Variants in INPP4B observed in about 807,000 individuals in gnomAD.
INPP4B encodes the protein inositol polyphosphate 4-phosphatase type II.
Under a neutral mutation model 122.5 loss-of-function variants are expected in INPP4B, and 55 were observed. That is an observed-to-expected ratio of 0.45 (90% CI 0.36 to 0.56). INPP4B has a LOEUF of 0.56. Ranked by LOEUF, INPP4B falls within the 20% of genes least tolerant of loss-of-function variation. The pLI, the probability that INPP4B is intolerant of heterozygous loss-of-function variation, is 0.00. For missense variants in INPP4B, 1,000 were observed against 1,097.7 expected (o/e 0.91, Z 1.26); for synonymous variants, 403 against 388.7 (o/e 1.04, Z -0.43).
intron 2 of INPP4B, among the ~76,000 whole-genome samples, chr4:142,593,761 T>C (rs1365902412): frequency 6.6e-6 from 1 of 152,240 alleles, no homozygotes; most frequent in South Asian, 2.1e-4. Context: ...TTATTCCATG[T>C]TCATTTAAGA....
intron 2 of INPP4B, among the ~76,000 whole-genome samples, chr4:142,705,800 G>A (rs1414524450): frequency 6.6e-6 from 1 of 152,208 alleles, no homozygotes; most frequent in Non-Finnish European, 1.5e-5. Flanking sequence ...ACAAGGTTTT[G>A]TTATAATGCT....
chr4:142,232,111 T>C (rs13109869), intron 12 of INPP4B, among the ~76,000 whole-genome samples: 23,751 of 152,188 alleles, frequency 0.16, 1,986 homozygotes, highest in South Asian at 0.27. Flanking sequence ...TATCTTGCCC[T>C]TTAAGAAAAA....
chr4:142,455,936 C>G (rs1425816629), intron 3 of INPP4B, among the ~76,000 whole-genome samples: 2 of 151,920 alleles, frequency 1.3e-5, no homozygotes, highest in Non-Finnish European at 2.9e-5. Context: ...TACTTGTTTG[C>G]TATTTGTATG....
chr4:142,347,488 C>A (rs779551148), intron 7 of INPP4B: 10 of 437,776 alleles, frequency 2.3e-5, no homozygotes, highest in Non-Finnish European at 4.6e-5. Context: ...GAAGCCAAGT[C>A]AATACTGGTT....
chr4:142,527,801 T>TA (rs1244412906), intron 2 of INPP4B, among the ~76,000 whole-genome samples: 2 of 152,058 alleles, frequency 1.3e-5, no homozygotes, highest in Admixed American at 6.6e-5. Flanking sequence ...AGGCAATTCT[T>TA]ACTACATTGA....
At chr4:142,287,627 C>T (rs1023836597) in intron 9 of INPP4B, 2 of 152,160 alleles carry the variant, frequency 1.3e-5, no homozygotes, top group Non-Finnish European at 2.9e-5. Flanking sequence ...AAACCCCATC[C>T]TGTGGAACAG....
chr4:142,069,778 A>G (rs1335665471), intron 25 of INPP4B, among the ~76,000 whole-genome samples: 1 of 152,194 alleles, frequency 6.6e-6, no homozygotes, highest in Non-Finnish European at 1.5e-5. Flanking sequence ...CCCAAGACTA[A>G]ACCAGGAAGA....
intron 2 of INPP4B, among the ~76,000 whole-genome samples, chr4:142,638,844 C>A (rs1007707484): frequency 6.6e-6 from 1 of 152,140 alleles, no homozygotes; most frequent in Non-Finnish European, 1.5e-5. Context: ...CCATGCCCGG[C>A]CTAGTTGTCT....
chr4:142,037,568 C>G (rs1251857708), intron 25 of INPP4B, among the ~76,000 whole-genome samples: 1 of 152,138 alleles, frequency 6.6e-6, no homozygotes, highest in Non-Finnish European at 1.5e-5. Context: ...TTCTGACCAC[C>G]AACCTGATTT....
chr4:142,419,320 A>C (rs1806390133), intron 5 of INPP4B, among the ~76,000 whole-genome samples: 1 of 152,168 alleles, frequency 6.6e-6, no homozygotes, highest in South Asian at 2.1e-4. Context: ...AAAGGCTTAT[A>C]AATATTACCT....
intron 2 of INPP4B, among the ~76,000 whole-genome samples, chr4:142,573,806 G>A (rs1234507618): frequency 6.6e-6 from 1 of 151,964 alleles, no homozygotes; most frequent in Non-Finnish European, 1.5e-5. Flanking sequence ...ACCATTGCCT[G>A]TTTTCCTGAC....
At chr4:142,498,690 T>A (rs1346028905) in intron 2 of INPP4B, among the ~76,000 whole-genome samples, 1 of 150,938 alleles carries the variant, frequency 6.6e-6, no homozygotes, top group East Asian at 2.0e-4. Context: ...ACTCGAGAGG[T>A]TGAGATTGGA....
At chr4:142,165,348 C>A (rs540418893) in intron 16 of INPP4B, among the ~76,000 whole-genome samples, 1 of 151,836 alleles carries the variant, frequency 6.6e-6, no homozygotes, top group South Asian at 2.1e-4. Context: ...AAAACTCGAT[C>A]CTTACATTTC....
chr4:142,709,698 C>CT (rs1762884323), intron 2 of INPP4B, among the ~76,000 whole-genome samples: 1 of 152,152 alleles, frequency 6.6e-6, no homozygotes, highest in African/African-American at 2.4e-5. Context: ...ATTAAACCTC[C>CT]TCCTTTATTA....
intron 7 of INPP4B, among the ~76,000 whole-genome samples, chr4:142,389,089 T>A (rs112931539): frequency 0.21 from 31,171 of 151,644 alleles, 4,341 homozygotes; most frequent in African/African-American, 0.4. Flanking sequence ...GTCTCTACTA[T>A]AAACACAAAA....
At chr4:142,601,734 C>T (rs1739982105) in intron 2 of INPP4B, among the ~76,000 whole-genome samples, 1 of 151,820 alleles carries the variant, frequency 6.6e-6, no homozygotes, top group Non-Finnish European at 1.5e-5. Flanking sequence ...CTTTGGGAGG[C>T]TGAGGTGCGC....
intron 2 of INPP4B, among the ~76,000 whole-genome samples, chr4:142,692,071 T>C (rs553984470): frequency 2.0e-5 from 3 of 152,298 alleles, no homozygotes; most frequent in Non-Finnish European, 4.4e-5. Context: ...TAAAGATTTT[T>C]TTTTTCAGAA....
At chr4:142,130,140 T>C (rs950246273) in intron 18 of INPP4B, among the ~76,000 whole-genome samples, 4 of 152,202 alleles carry the variant, frequency 2.6e-5, no homozygotes, top group African/African-American at 9.7e-5. Flanking sequence ...TGGCATTTAC[T>C]GCAAACTTAA....
In INPP4B at chr4:142,648,551, G is replaced by A. The variant is rs114522997; in HGVS notation, c.-191+77288C>T. ...CTGGCTCAGTGGGTCCCACACCCAC[G>A]AAACCTTAATCACTGCCAGTGCAGC... On this transcript the variant is annotated intron_variant, in intron 2 of 25. Transcript: ENST00000262992. 4.0e-3 allele frequency among the ~76,000 whole-genome samples: 612 copies of A among 152,316 alleles called. 6 individuals are homozygous for A. Among genetic ancestry groups the A allele is most frequent in the African/African-American group, 0.014 (579 of 41,572 alleles).
Sources: gnomAD v4.1 joint callset for allele counts (sites outside exome capture counted in the v4.1 genomes callset) on GRCh38, gnomAD v4.1.1 for gene constraint, MANE v1.5 for transcripts, NCBI Gene and HGNC (gene_info 2026-07-23, HGNC 2026-07-21) for gene names.